CFAP54: variants seen among roughly 807,000 people sequenced by gnomAD.
CFAP54 encodes cilia and flagella associated protein 54.
In CFAP54, 290 loss-of-function variants were observed where a neutral mutation model predicts 370.4. That is an observed-to-expected ratio of 0.78 (90% confidence interval 0.71 to 0.86). The LOEUF (loss-of-function observed/expected upper bound fraction) is 0.86. Among genes scored for constraint, CFAP54 ranks in the 40% least tolerant of loss-of-function variants. The pLI is 0.00. For missense variants in CFAP54, 3,399 were observed against 3,528.7 expected (o/e 0.96, Z 0.93); for synonymous variants, 1,206 against 1,236.5 (o/e 0.98, Z 0.52).
chr12:96,550,509 G>A lies in CFAP54; in HGVS notation c.2154+2531G>A, dbSNP rs145631467. Among the ~76,000 whole-genome samples the A allele has an allele frequency of 9.4e-3, 1,435 of 152,182 alleles. 27 individuals are homozygous for A. The highest frequency in any genetic ancestry group is 0.032 in the African/African-American group (1,337 of 41,510). On this transcript the variant is annotated intron_variant, in intron 15 of 67. Transcript: ENST00000524981. ...TGAGAATTGCTTGAACCTGGGAGGCGGAGGTTGCAGTGAGCCAAGATCGCA... is the reference window on the plus strand; with the variant it reads ...TGAGAATTGCTTGAACCTGGGAGGCAGAGGTTGCAGTGAGCCAAGATCGCA...
At chr12:96,530,911 C>T (rs1955434993) in intron 9 of CFAP54, among the ~76,000 whole-genome samples, 1 of 152,174 alleles carries the variant, frequency 6.6e-6, no homozygotes, top group Non-Finnish European at 1.5e-5. Context: ...CTTTAATTTG[C>T]ATTTCCCTAA....
At chr12:96,610,431 A>G (rs1456776578) in intron 26 of CFAP54, among the ~76,000 whole-genome samples, 1 of 152,198 alleles carries the variant, frequency 6.6e-6, no homozygotes, top group Non-Finnish European at 1.5e-5. Flanking sequence ...GGCTCCCAAG[A>G]TGGCTGAATA....
At chr12:96,562,104 C>A (rs1955821924) in intron 17 of CFAP54, among the ~76,000 whole-genome samples, 1 of 151,926 alleles carries the variant, frequency 6.6e-6, no homozygotes, top group Non-Finnish European at 1.5e-5. Flanking sequence ...TTTTTGATAT[C>A]TCCAATTCTA....
At chr12:96,581,137 G>T (rs750892114) in intron 22 of CFAP54, 32 bp downstream of exon 22, 70 of 1,356,724 alleles carry the variant, frequency 5.2e-5, no homozygotes, top group Non-Finnish European at 5.4e-5. Flanking sequence ...TTTTTCCACT[G>T]TGTTTTTTTT....
chr12:96,873,792 ATAT>A (rs1454522898), intron 67 of CFAP54, among the ~76,000 whole-genome samples: 1 of 152,206 alleles, frequency 6.6e-6, no homozygotes, highest in African/African-American at 2.4e-5. Flanking sequence ...GTGCCATGAA[ATAT>A]TATTATTTGT....
intron 46 of CFAP54, among the ~76,000 whole-genome samples, chr12:96,702,074 G>C (rs58731463): frequency 6.6e-6 from 1 of 152,246 alleles, no homozygotes; most frequent in South Asian, 2.1e-4. Context: ...TGGGTGTGTT[G>C]TGAAGGTACA....
chr12:96,559,951 T>C (rs907274349), intron 17 of CFAP54, among the ~76,000 whole-genome samples: 2 of 152,152 alleles, frequency 1.3e-5, no homozygotes, highest in African/African-American at 4.8e-5. Flanking sequence ...ATCATGAAGA[T>C]TTTCTTATGT....
At chr12:96,665,311 C>G (rs796776779) in intron 39 of CFAP54, among the ~76,000 whole-genome samples, 8 of 152,240 alleles carry the variant, frequency 5.3e-5, no homozygotes, top group African/African-American at 1.7e-4. Flanking sequence ...TGTGCAAAAG[C>G]TGTTTAGTTT....
intron 17 of CFAP54, 125 bp from the exon 18 acceptor site, chr12:96,564,343 T>C (rs1322583245): frequency 2.0e-6 from 1 of 495,878 alleles, no homozygotes; most frequent in African/African-American, 2.0e-5. Flanking sequence ...TTTTTATCTA[T>C]TAATGAAAAA....
intron 66 of CFAP54, among the ~76,000 whole-genome samples, chr12:96,836,100 A>G (rs1200703560): frequency 6.6e-6 from 1 of 152,200 alleles, no homozygotes; most frequent in Non-Finnish European, 1.5e-5. Context: ...AGGTCTCTGA[A>G]TGGCAGATCA....
At chr12:96,495,265 C>CTTCT (rs1410473111) in intron 1 of CFAP54, among the ~76,000 whole-genome samples, 1 of 142,890 alleles carries the variant, frequency 7.0e-6, no homozygotes, top group Non-Finnish European at 1.5e-5. Flanking sequence ...TCCTTCCTTC[C>CTTCT]TTCCTTCCTT....
chr12:96,561,565 A>T (rs1353813446), intron 17 of CFAP54, among the ~76,000 whole-genome samples: 1 of 151,900 alleles, frequency 6.6e-6, no homozygotes, highest in Non-Finnish European at 1.5e-5. Context: ...CTACCCCCAG[A>T]TCTGGAATAA....
intron 49 of CFAP54, among the ~76,000 whole-genome samples, chr12:96,719,345 G>A (rs1401128997): frequency 1.3e-5 from 2 of 152,064 alleles, no homozygotes; most frequent in Non-Finnish European, 2.9e-5. Flanking sequence ...ATACTGAATT[G>A]CCCTAATATT....
chr12:96,756,923 C>T lies in CFAP54; in HGVS notation c.7946+360C>T, dbSNP rs544930211. On this transcript the variant is annotated intron_variant, in intron 57 of 67. Coordinates refer to ENST00000524981, the MANE Select transcript of CFAP54 (RefSeq NM_001306084.2). ...GTGAATTCACTCTGGTCATCAGGAC[C>T]AGGACTGGCCAACTTAATTCTTAAT... 3.3e-5 allele frequency among the ~76,000 whole-genome samples: 5 copies of T among 152,168 alleles called. 1 individual carries two copies. The highest frequency in any genetic ancestry group is 4.2e-4 in the South Asian group (2 of 4,814).
At chr12:96,608,306 T>TACAC (rs1395969790) in intron 26 of CFAP54, among the ~76,000 whole-genome samples, 2 of 44,964 alleles carry the variant, frequency 4.4e-5, no homozygotes, top group African/African-American at 1.1e-4. Flanking sequence ...TGCATATATA[T>TACAC]ATACACACAC....
At chr12:96,817,491 G>A (rs896977170) in intron 64 of CFAP54, among the ~76,000 whole-genome samples, 7 of 149,590 alleles carry the variant, frequency 4.7e-5, no homozygotes, top group Non-Finnish European at 1.0e-4. Context: ...CGCAATCTCC[G>A]CTCACTGCAA....
chr12:96,527,324 T>C lies in CFAP54; in HGVS notation c.1237T>C (p.Leu413=), dbSNP rs996598991. Residue 413 remains leucine (L), a synonymous_variant, in exon 9 of 68, where the codon TTG becomes CTG. Transcript: ENST00000524981. ...DSTASQFLAV[L]EALSDSNRRI... is the part of the protein sequence containing the mutation. ...CACTGCATCCCAGTTTCTGGCTGTC[T>C]TGGAAGCTCTTTCTGATTCAAATAG... 9.8e-6 allele frequency: 15 copies of C among 1,535,860 alleles called. No homozygotes were observed. The South Asian group carries it at 1.4e-4, about 15-fold the overall frequency.
chr12:96,787,440 C>T (rs905760368), intron 62 of CFAP54, among the ~76,000 whole-genome samples: 2 of 152,148 alleles, frequency 1.3e-5, no homozygotes, highest in Middle Eastern at 3.4e-3. Context: ...AATATGGAAA[C>T]TTTTTAAGGT....
At chr12:96,697,743 C>A (rs1452799756) in intron 45 of CFAP54, among the ~76,000 whole-genome samples, 1 of 152,092 alleles carries the variant, frequency 6.6e-6, no homozygotes, top group East Asian at 1.9e-4. Flanking sequence ...CCACATTTAC[C>A]CTTCTCTATT....
Sources: gnomAD v4.1 joint callset for allele counts (sites outside exome capture counted in the v4.1 genomes callset) on GRCh38, gnomAD v4.1.1 for gene constraint, MANE v1.5 for transcripts, NCBI Gene and HGNC (gene_info 2026-07-23, HGNC 2026-07-21) for gene names.